The following ZNF169 variants were observed in gnomAD, a reference collection of about 807,000 sequenced individuals.
The protein encoded by ZNF169 is zinc finger protein 169.
In ZNF169, 11 loss-of-function variants were observed where a neutral mutation model predicts 12.0. The ratio of observed to expected loss-of-function variants is 0.92; its 90% CI spans 0.58 to 1.52. The LOEUF (loss-of-function observed/expected upper bound fraction) is 1.52, where lower values mean the gene tolerates loss of function less well. Ranked by LOEUF, ZNF169 falls within the 40% of genes most tolerant of loss-of-function variation. ZNF169 has a pLI of 0.00. For synonymous variants in ZNF169, 302 were observed against 286.5 expected (o/e 1.05, Z -0.55); for missense variants, 722 against 744.0 (o/e 0.97, Z 0.34).
intron 1 of ZNF169, among the ~76,000 whole-genome samples, chr9:94,269,351 G>C (rs1447655706): frequency 6.6e-6 from 1 of 152,134 alleles, no homozygotes; most frequent in East Asian, 1.9e-4. Flanking sequence ...GAAAACAGTA[G>C]GCTCCTGACA....
chr9:94,295,899 G>A (rs1830940180), intron 4 of ZNF169: 1 of 152,170 alleles, frequency 6.6e-6, no homozygotes, highest in Admixed American at 6.6e-5. Context: ...ACCTGGGACT[G>A]GAATGGCTGG....
intron 4 of ZNF169, 73 bp from the exon 5 acceptor site, chr9:94,299,742 A>T: frequency 6.5e-7 from 1 of 1,529,640 alleles, no homozygotes; most frequent in Non-Finnish European, 8.7e-7. Flanking sequence ...GAACATCTGA[A>T]GAAAACTGCT....
In ZNF169 at chr9:94,276,056, C is replaced by T. The variant is rs566712932; in HGVS notation, c.-55-2702C>T. On this transcript the variant is annotated intron_variant, in intron 1 of 4. Coordinates refer to ENST00000395395, the MANE Select transcript of ZNF169 (RefSeq NM_194320.4). ...CCTCTCAAAGTGCTGGGATTACAGGCGTGAGCCACCACACCTGGCCTGCAC... is the reference window on the plus strand; with the variant it reads ...CCTCTCAAAGTGCTGGGATTACAGGTGTGAGCCACCACACCTGGCCTGCAC... Among the ~76,000 whole-genome samples, 3 of 152,246 alleles carry T rather than the reference C, an allele frequency of 2.0e-5. No homozygotes were observed. The East Asian group carries it at 5.8e-4, about 29-fold the overall frequency.
Position 94,295,531 on chromosome 9 carries a change from C to T in ZNF169, c.256+2462C>T, listed in dbSNP as rs562958775. 7 of 152,228 alleles carry T rather than the reference C, an allele frequency of 4.6e-5. No homozygotes were observed. The East Asian group carries it at 5.8e-4, about 13-fold the overall frequency. 9.4% of individuals were successfully genotyped at this position (152,228 alleles called of 1,614,324 possible). On this transcript the variant is annotated intron_variant, in intron 4 of 4. Transcript: ENST00000395395. ...TCTGTCATCCTTGAAAATTTTCTTT[C>T]GCCTTACTGTAATCCTACCTCCCAC...
chr9:94,276,048 A>T (rs1337245098), intron 1 of ZNF169, among the ~76,000 whole-genome samples: 2 of 152,122 alleles, frequency 1.3e-5, no homozygotes, highest in Admixed American at 1.3e-4. Flanking sequence ...AAGTGCTGGG[A>T]TTACAGGCGT....
intron 1 of ZNF169, among the ~76,000 whole-genome samples, chr9:94,262,847 T>G (rs1005156502): frequency 6.6e-6 from 1 of 152,226 alleles, no homozygotes; most frequent in African/African-American, 2.4e-5. Context: ...TGCATGCACT[T>G]GATGAATGCA....
intron 4 of ZNF169, among the ~76,000 whole-genome samples, chr9:94,298,407 G>A (rs572012493): frequency 2.7e-4 from 41 of 152,046 alleles, no homozygotes; most frequent in African/African-American, 8.9e-4. Context: ...CCTGCCGAGC[G>A]CAGTGGCTCA....
chr9:94,295,372 C>T (rs1365510062), intron 4 of ZNF169: 1 of 152,046 alleles, frequency 6.6e-6, no homozygotes, highest in Non-Finnish European at 1.5e-5. Flanking sequence ...TATTAAGATA[C>T]AGCAATTAAG....
intron 3 of ZNF169, 174 bp downstream of exon 3, chr9:94,292,641 G>GTGTGTGTGCA (rs1554715595): frequency 4.2e-6 from 3 of 721,216 alleles, no homozygotes; most frequent in South Asian, 4.1e-5. Flanking sequence ...GTGTGTGTGT[G>GTGTGTGTGCA]CGCGTGCACA....
chr9:94,300,342 T>C lies in ZNF169; in HGVS notation c.784T>C (p.Tyr262His), dbSNP rs143975389. 8 of 1,613,920 alleles carry C rather than the reference T, an allele frequency of 5.0e-6. No homozygotes were observed. Among genetic ancestry groups the C allele is most frequent in the Admixed American group, 1.7e-5 (1 of 59,986 alleles). ...GAGGACACACACCGGGGAGAAGCCA[T>C]ACCTGTGTCCTGAGTGTGGGCGTCG... ...HQRTHTGEKP[Y>H]LCPECGRRFS... The change falls in exon 5 of 5, where the codon TAC becomes CAC. Residue 262 changes from tyrosine (Y) to histidine (H), a missense_variant. Tyr to His is a moderately conservative substitution (Grantham distance 83). Coordinates refer to ENST00000395395, the MANE Select transcript of ZNF169 (RefSeq NM_194320.4).
At chr9:94,288,006 G>C in intron 2 of ZNF169, 1 of 795,566 alleles carries the variant, frequency 1.3e-6, no homozygotes, top group Non-Finnish European at 2.3e-6. Context: ...ATTCACTTTA[G>C]TGTGAAACTG....
chr9:94,300,254 G>A lies in ZNF169; in HGVS notation c.696G>A (p.Lys232=), dbSNP rs1193138921. The A allele has an allele frequency of 1.2e-6, 2 of 1,614,114 alleles. No homozygotes were observed. Among genetic ancestry groups the A allele is most frequent in the South Asian group, 2.2e-5 (2 of 91,092 alleles). The change falls in exon 5 of 5, where the codon AAG becomes AAA. Residue 232 remains lysine, a synonymous_variant. Transcript: ENST00000395395. ...AGTCAAGCCTGTTCAGCCACCAGAA[G>A]CATCATGTGTGCCCTGAATGCGGGA... The part of the protein sequence containing the change: ...SKKSSLFSHQ[K]HHVCPECGRG...
intron 4 of ZNF169, chr9:94,296,841 C>T (rs747452674): frequency 1.5e-5 from 7 of 456,120 alleles, no homozygotes; most frequent in South Asian, 4.6e-5. Flanking sequence ...GTCAGGAGTT[C>T]GAGACTAGTC....
intron 4 of ZNF169, chr9:94,293,851 T>C (rs1049503169): frequency 4.6e-5 from 7 of 152,306 alleles, no homozygotes; most frequent in African/African-American, 1.7e-4. Flanking sequence ...ATGAGTAGGG[T>C]TGGGGCAGCC....
chr9:94,298,821 G>A (rs1021638791), intron 4 of ZNF169, among the ~76,000 whole-genome samples: 3 of 151,802 alleles, frequency 2.0e-5, no homozygotes, highest in African/African-American at 7.3e-5. Context: ...AATTTCCAGA[G>A]CCTTTAATTT....
At chr9:94,296,145 A>G (rs1293439793) in intron 4 of ZNF169, among the ~76,000 whole-genome samples, 1 of 152,194 alleles carries the variant, frequency 6.6e-6, no homozygotes, top group Non-Finnish European at 1.5e-5. Context: ...GAGTATCTTC[A>G]TGTGCTTATT....
rs994901697 is a variant in ZNF169 at position 94,299,992 on chromosome 9, A to C, written c.434A>C (p.Glu145Ala). 6.2e-7 allele frequency: 1 copy of C among 1,614,106 alleles called. No individual in the cohort carries two copies. Among genetic ancestry groups the C allele is most frequent in the Non-Finnish European group, 8.5e-7 (1 of 1,180,030 alleles). ...RCSSEKGESG[E>A]TEGPDSSLRK... ...TCTAGTGAAAAAGGAGAAAGTGGAG[A>C]GACAGAAGGCCCCGACAGCTCATTA... Residue 145 changes from glutamate to alanine, a missense_variant, in exon 5 of 5, where the codon GAG becomes GCG. Transcript: ENST00000395395.
At chr9:94,267,111 T>C (rs1830308425) in intron 1 of ZNF169, among the ~76,000 whole-genome samples, 2 of 152,162 alleles carry the variant, frequency 1.3e-5, no homozygotes, top group African/African-American at 2.4e-5. Flanking sequence ...GATGGAACTT[T>C]GTTTCATAGA....
At chr9:94,274,209 T>C (rs1830480775) in intron 1 of ZNF169, among the ~76,000 whole-genome samples, 1 of 152,160 alleles carries the variant, frequency 6.6e-6, no homozygotes, top group Non-Finnish European at 1.5e-5. Context: ...TACTTAGTTA[T>C]CTCTTTAAAG....
Sources: gnomAD v4.1 joint callset for allele counts (sites outside exome capture counted in the v4.1 genomes callset) on GRCh38, gnomAD v4.1.1 for gene constraint, MANE v1.5 for transcripts, NCBI Gene and HGNC (gene_info 2026-07-23, HGNC 2026-07-21) for gene names.